The following ABHD18 variants were observed in gnomAD, a reference collection of about 807,000 sequenced individuals.
ABHD18 encodes the protein cardiolipin-specific deacylase, mitochondrial.
In ABHD18, 55 loss-of-function variants were observed where a neutral mutation model predicts 65.9. That is an observed-to-expected ratio of 0.84 (90% CI 0.67 to 1.05). ABHD18 has a LOEUF of 1.05. Ranked by LOEUF, ABHD18 falls within the 50% of genes least tolerant of loss-of-function variation. The pLI, the probability that ABHD18 is intolerant of heterozygous loss-of-function variation, is 0.00. For synonymous variants in ABHD18, 181 were observed against 180.2 expected (o/e 1.00, Z -0.04); for missense variants, 533 against 558.5 (o/e 0.95, Z 0.46).
At chr4:127,992,877 G>T (rs137954728) in intron 4 of ABHD18, among the ~76,000 whole-genome samples, 1 of 151,932 alleles carries the variant, frequency 6.6e-6, no homozygotes, top group African/African-American at 2.4e-5. Flanking sequence ...TCTTATTAAT[G>T]CTTTACTGAA....
At chr4:128,021,061 C>A in intron 9 of ABHD18, 76 bp from the exon 10 acceptor site, 13 of 767,236 alleles carry the variant, frequency 1.7e-5, no homozygotes, top group Non-Finnish European at 2.4e-5. Context: ...GGTAGTCTCA[C>A]ACAGTAATAA....
intron 1 of ABHD18, among the ~76,000 whole-genome samples, chr4:127,971,362 T>C (rs1476180853): frequency 2.6e-5 from 4 of 151,986 alleles, no homozygotes; most frequent in African/African-American, 9.6e-5. Context: ...CTGTATATTT[T>C]AACAATTCCA....
At chr4:127,997,726 G>T (rs1751972439) in intron 4 of ABHD18, among the ~76,000 whole-genome samples, 1 of 152,168 alleles carries the variant, frequency 6.6e-6, no homozygotes, top group East Asian at 1.9e-4. Context: ...CATAGCAGCT[G>T]TTGGCTCAGA....
chr4:128,015,950 C>CTTT (rs938616932), intron 7 of ABHD18, among the ~76,000 whole-genome samples: 5 of 130,738 alleles, frequency 3.8e-5, no homozygotes, highest in African/African-American at 5.8e-5. Context: ...TATTTAAATA[C>CTTT]TTTTTTTTTT....
At position 128,008,966 on chromosome 4, in the gene ABHD18, G is replaced by A. The variant is rs1183436926; in HGVS notation, c.325G>A (p.Val109Ile). 1 of 1,610,642 alleles carries A rather than the reference G, an allele frequency of 6.2e-7. No individual in the cohort carries two copies. The highest frequency in any genetic ancestry group is 1.7e-5 in the Admixed American group (1 of 59,462). Reference sequence around the variant, plus strand: ...AGAATGGAACAGCAAATATAGACCTGTATGCATTCATCTTGCTGGAACAGG... The same window carrying A: ...AGAATGGAACAGCAAATATAGACCTATATGCATTCATCTTGCTGGAACAGG... ...PKEWNSKYRP[V>I]CIHLAGTGDH... The change falls in exon 5 of 13, where the codon GTA becomes ATA. Residue 109 changes from valine to isoleucine, a missense_variant. Physicochemically the swap from Val to Ile is conservative, Grantham distance 29 (BLOSUM62 3). Around this residue, in one of 3 missense-constraint regions of ABHD18, gnomAD observed 309 missense variants for 313.5 expected, o/e 0.99. Transcript: ENST00000645843.
chr4:127,976,065 G>A (rs2149051053), intron 1 of ABHD18, among the ~76,000 whole-genome samples: 1 of 152,232 alleles, frequency 6.6e-6, no homozygotes, highest in African/African-American at 2.4e-5. Context: ...TGATCCGCCT[G>A]CCTCAGCCTC....
intron 1 of ABHD18, among the ~76,000 whole-genome samples, chr4:127,966,380 TG>T (rs1261756526): frequency 6.6e-6 from 1 of 152,172 alleles, no homozygotes; most frequent in Non-Finnish European, 1.5e-5. Context: ...TCACTCTGTG[TG>T]GAAGTGGCAA....
chr4:128,017,551 A>G, intron 8 of ABHD18, 50 bp downstream of exon 8: 1 of 1,487,218 alleles, frequency 6.7e-7, no homozygotes, highest in Non-Finnish European at 9.0e-7. Flanking sequence ...TGTTTGTAAG[A>G]TCTAGAGAAC....
rs879459247 is a variant in ABHD18 at position 128,039,444 on chromosome 4, A to T, written c.*3631A>T. 1.3e-5 allele frequency: 2 copies of T among 152,018 alleles called. No individual in the cohort carries two copies. Among genetic ancestry groups the T allele is most frequent in the Non-Finnish European group, 2.9e-5 (2 of 67,998 alleles). 9.4% of individuals were successfully genotyped at this position (152,018 alleles called of 1,614,324 possible). A position where few individuals can be genotyped will look rare whatever the true frequency, so the allele number is the denominator to read the frequency against. On this transcript the variant is annotated 3_prime_UTR_variant, in exon 13 of 13. Coordinates refer to ENST00000645843, the MANE Select transcript of ABHD18 (RefSeq NM_001358451.3). The stretch of plus-strand genomic sequence containing the variant: ...ATATCAGACAACTTCTCTACTTTGT[A>T]GTTCCTGCTCAGCCCTGAAGACCTC...
At chr4:127,994,947 T>A (rs1365508476) in intron 4 of ABHD18, among the ~76,000 whole-genome samples, 1 of 152,196 alleles carries the variant, frequency 6.6e-6, no homozygotes, top group Non-Finnish European at 1.5e-5. Flanking sequence ...TGGCGCGATC[T>A]TGGCTTACTG....
At chr4:127,967,969 C>G (rs1455504254) in intron 1 of ABHD18, among the ~76,000 whole-genome samples, 1 of 152,158 alleles carries the variant, frequency 6.6e-6, no homozygotes, top group Non-Finnish European at 1.5e-5. Flanking sequence ...CGCTTGTAAT[C>G]CCAGCACTTT....
At chr4:128,010,858 T>C (rs1177261508) in intron 6 of ABHD18, among the ~76,000 whole-genome samples, 1 of 144,278 alleles carries the variant, frequency 6.9e-6, no homozygotes, top group African/African-American at 2.6e-5. Context: ...GAAGTTGCAG[T>C]GAGCCGCCTG....
At chr4:127,994,842 A>G (rs1751480627) in intron 4 of ABHD18, among the ~76,000 whole-genome samples, 1 of 152,114 alleles carries the variant, frequency 6.6e-6, no homozygotes, top group South Asian at 2.1e-4. Flanking sequence ...GGTTCCTCAA[A>G]TATTTAGGGA....
intron 3 of ABHD18, among the ~76,000 whole-genome samples, chr4:127,986,668 T>A (rs964527903): frequency 6.6e-6 from 1 of 152,060 alleles, no homozygotes; most frequent in African/African-American, 2.4e-5. Context: ...TATACTATTT[T>A]ATATTCCCAC....
intron 10 of ABHD18, among the ~76,000 whole-genome samples, chr4:128,023,122 A>C (rs1011752534): frequency 3.9e-5 from 6 of 152,060 alleles, no homozygotes; most frequent in Non-Finnish European, 8.8e-5. Flanking sequence ...GAGACTCTTA[A>C]GAAACTTCAA....
chr4:127,995,222 C>T (rs1032675928), intron 4 of ABHD18, among the ~76,000 whole-genome samples: 3 of 152,152 alleles, frequency 2.0e-5, no homozygotes, highest in African/African-American at 7.2e-5. Flanking sequence ...ATAAACTGCT[C>T]CAGGCTTTCA....
At chr4:128,005,182 T>G (rs1162195887) in intron 4 of ABHD18, among the ~76,000 whole-genome samples, 1 of 152,220 alleles carries the variant, frequency 6.6e-6, no homozygotes, top group Non-Finnish European at 1.5e-5. Context: ...TGAGCTGTGA[T>G]CATACCACTG....
chr4:128,003,429 A>T (rs1034843440), intron 4 of ABHD18, among the ~76,000 whole-genome samples: 1 of 152,060 alleles, frequency 6.6e-6, no homozygotes, highest in Non-Finnish European at 1.5e-5. Flanking sequence ...ACATATTGTA[A>T]ACCATAGAGA....
At chr4:127,986,643 GT>G (rs1388470374) in intron 3 of ABHD18, among the ~76,000 whole-genome samples, 4 of 152,170 alleles carry the variant, frequency 2.6e-5, no homozygotes, top group African/African-American at 9.7e-5. Context: ...CTGTCAAACT[GT>G]TTTCCAAAGT....
Sources: allele counts gnomAD v4.1 joint callset (sites outside exome capture counted in the v4.1 genomes callset), GRCh38; gene constraint gnomAD v4.1.1; regional missense constraint gnomAD v4.1.1; transcripts MANE v1.5; gene names NCBI Gene and HGNC (gene_info 2026-07-23, HGNC 2026-07-21).